NAV3: variants seen among roughly 807,000 people sequenced by gnomAD.
The protein encoded by NAV3 is neuron navigator 3.
NAV3 carries 87 observed loss-of-function variants against 244.7 expected under a neutral mutation model. That is an observed-to-expected ratio of 0.36 (90% confidence interval 0.30 to 0.42). NAV3 has a LOEUF of 0.42. Among genes scored for constraint, NAV3 ranks in the 20% least tolerant of loss-of-function variants. The probability of loss-of-function intolerance (pLI) is 1.00; values close to 1 mark genes in which losing one functional copy is unlikely to be tolerated. For missense variants in NAV3, 2,663 were observed against 2,893.3 expected (o/e 0.92, Z 1.83); for synonymous variants, 1,126 against 1,042.2 (o/e 1.08, Z -1.55).
intron 2 of NAV3, among the ~76,000 whole-genome samples, chr12:77,610,025 C>T (rs1389381930): frequency 6.6e-6 from 1 of 151,924 alleles, no homozygotes; most frequent in Non-Finnish European, 1.5e-5. Context: ...AAAATTTATT[C>T]TTTCCTAGTC....
intron 2 of NAV3, among the ~76,000 whole-genome samples, chr12:77,659,474 G>A (rs1490383910): frequency 2.0e-5 from 3 of 152,170 alleles, no homozygotes; most frequent in Admixed American, 6.5e-5. Context: ...GTGCTGGAGA[G>A]GATGTGGAGA....
chr12:77,641,824 C>G (rs1048129742), intron 2 of NAV3, among the ~76,000 whole-genome samples: 1 of 152,120 alleles, frequency 6.6e-6, no homozygotes, highest in Non-Finnish European at 1.5e-5. Flanking sequence ...CAAGCTGTTT[C>G]ATTAGCTATA....
chr12:78,033,603 C>T (rs1204540746), intron 9 of NAV3, among the ~76,000 whole-genome samples: 5 of 152,100 alleles, frequency 3.3e-5, no homozygotes, highest in Admixed American at 6.5e-5. Context: ...TCCCCACTGT[C>T]GCTCAGAGTA....
chr12:77,672,190 C>G (rs1384160160), intron 2 of NAV3, among the ~76,000 whole-genome samples: 1 of 152,066 alleles, frequency 6.6e-6, no homozygotes, highest in Non-Finnish European at 1.5e-5. Flanking sequence ...AAATGCAAAT[C>G]AAAACCACAC....
chr12:77,762,737 T>C (rs1268267983), intron 2 of NAV3, among the ~76,000 whole-genome samples: 2 of 150,718 alleles, frequency 1.3e-5, no homozygotes, highest in Admixed American at 6.6e-5. Flanking sequence ...TTGTTGTTGT[T>C]GTTGTTGTTG....
chr12:78,197,849 T>C (rs1345757754), intron 35 of NAV3, among the ~76,000 whole-genome samples: 1 of 151,926 alleles, frequency 6.6e-6, no homozygotes, highest in Non-Finnish European at 1.5e-5. Context: ...GGAATAGTTT[T>C]AATCAGGAAA....
intron 9 of NAV3, among the ~76,000 whole-genome samples, chr12:78,037,963 G>A (rs1365942299): frequency 6.6e-6 from 1 of 152,110 alleles, no homozygotes; most frequent in Admixed American, 6.6e-5. Flanking sequence ...TTTTGTTTCA[G>A]TGTTTGACAA....
At chr12:78,191,893 G>T (rs967021864) in intron 34 of NAV3, among the ~76,000 whole-genome samples, 5 of 152,078 alleles carry the variant, frequency 3.3e-5, no homozygotes, top group Non-Finnish European at 5.9e-5. Context: ...TTTTTTTATG[G>T]AATAAAAAAG....
intron 2 of NAV3, among the ~76,000 whole-genome samples, chr12:77,597,026 T>G (rs1001474995): frequency 6.6e-6 from 1 of 152,158 alleles, no homozygotes; most frequent in Non-Finnish European, 1.5e-5. Flanking sequence ...GAGAATGGAA[T>G]AATAATCACT....
intron 34 of NAV3, among the ~76,000 whole-genome samples, chr12:78,194,005 C>T (rs1364061065): frequency 6.6e-6 from 1 of 152,008 alleles, no homozygotes; most frequent in Non-Finnish European, 1.5e-5. Context: ...CCTTCACTTC[C>T]CAGTAAATGA....
chr12:78,162,868 A>ATATATATATATAT (rs1957604490), intron 23 of NAV3, among the ~76,000 whole-genome samples: 5 of 140,030 alleles, frequency 3.6e-5, no homozygotes, highest in African/African-American at 1.3e-4. Context: ...TCTCAAAAAA[A>ATATATATATATAT]AATATATATA....
chr12:77,644,631 A>G (rs1200198319), intron 2 of NAV3, among the ~76,000 whole-genome samples: 1 of 152,124 alleles, frequency 6.6e-6, no homozygotes, highest in Non-Finnish European at 1.5e-5. Flanking sequence ...TGGGCAAATA[A>G]CAAGCATTAC....
chr12:78,159,085 G>A, intron 22 of NAV3, 118 bp from the exon 23 acceptor site: 1 of 667,814 alleles, frequency 1.5e-6, no homozygotes, highest in Admixed American at 3.0e-5. Flanking sequence ...AACTATGATA[G>A]TCATAGTATT....
intron 2 of NAV3, among the ~76,000 whole-genome samples, chr12:77,677,902 A>T (rs1375758341): frequency 6.6e-6 from 1 of 152,200 alleles, no homozygotes; most frequent in Non-Finnish European, 1.5e-5. Context: ...TTATTTTTCT[A>T]GTCACTGGTT....
At chr12:77,954,089 A>C (rs1565954062) in intron 3 of NAV3, among the ~76,000 whole-genome samples, 1 of 152,054 alleles carries the variant, frequency 6.6e-6, no homozygotes, top group Non-Finnish European at 1.5e-5. Context: ...GGCCACATCA[A>C]CCATTCTGTA....
rs778398089 is a variant in NAV3 at position 77,966,203 on chromosome 12, C to T, written c.415-26C>T. On this transcript the variant is annotated intron_variant, in intron 3 of 39. Coordinates refer to ENST00000397909, the MANE Select transcript of NAV3 (RefSeq NM_001024383.2). ...TGTTAAAATATAATCCTCTAAGTTG[C>T]TTTTTCACTGCTTTTCATGTTGCAG... The T allele has an allele frequency of 1.5e-5, 24 of 1,609,186 alleles. No individual in the cohort carries two copies. The East Asian group carries it at 3.4e-4, about 22-fold the overall frequency.
intron 12 of NAV3, among the ~76,000 whole-genome samples, chr12:78,085,599 T>TGTA (rs1450671093): frequency 2.0e-5 from 3 of 152,080 alleles, no homozygotes; most frequent in African/African-American, 7.2e-5. Flanking sequence ...AAATAGAAGA[T>TGTA]GTAGTAGAAG....
Position 77,831,531 on chromosome 12 carries a change from C to T in NAV3, c.70C>T (p.Leu24Phe). 1.9e-6 allele frequency: 3 copies of T among 1,614,088 alleles called. No individual in the cohort carries two copies. Among genetic ancestry groups the T allele is most frequent in the African/African-American group, 1.3e-5 (1 of 75,040 alleles). Residue 24 changes from leucine to phenylalanine, a missense_variant, in exon 1 of 40, where the codon CTT (leucine) becomes TTT (phenylalanine). Physicochemically the swap from Leu to Phe is conservative, Grantham distance 22 (BLOSUM62 0). Coordinates refer to ENST00000397909, the MANE Select transcript of NAV3 (RefSeq NM_001024383.2). ...AVGSKPVHTALPIPNLGTTGS... is the reference protein window; with the variant it reads ...AVGSKPVHTAFPIPNLGTTGS... The stretch of plus-strand genomic sequence containing the variant: ...TGGGTCAAAGCCTGTGCATACTGCT[C>T]TTCCGATACCAAATCTTGGCACTAC...
At chr12:77,683,094 A>G (rs184015670) in intron 2 of NAV3, among the ~76,000 whole-genome samples, 7 of 152,230 alleles carry the variant, frequency 4.6e-5, no homozygotes, top group Admixed American at 4.6e-4. Flanking sequence ...GTCAAGACCA[A>G]TGTCATAGAG....
Sources: allele counts gnomAD v4.1 joint callset (sites outside exome capture counted in the v4.1 genomes callset), GRCh38; gene constraint gnomAD v4.1.1; transcripts MANE v1.5; gene names NCBI Gene and HGNC (gene_info 2026-07-23, HGNC 2026-07-21).